AFF3: variants seen among roughly 807,000 people sequenced by gnomAD.
The protein encoded by AFF3 is AF4/FMR2 family member 3.
A neutral mutation model predicts 129.7 loss-of-function variants in AFF3; 32 were observed. The observed-to-expected ratio is 0.25, with a 90% CI of 0.19 to 0.33. The LOEUF (loss-of-function observed/expected upper bound fraction) is 0.33, where lower values mean the gene tolerates loss of function less well. AFF3 is among the 10% of genes least tolerant of loss of function. The pLI is 1.00. For synonymous variants in AFF3, 644 were observed against 635.4 expected, an observed-to-expected ratio of 1.01 and a Z score of -0.20; for missense variants, 1,373 against 1,592.0, an observed-to-expected ratio of 0.86 and a Z score of 2.34.
chr2:99,973,695 T>G (rs1184377776), intron 7 of AFF3, among the ~76,000 whole-genome samples: 1 of 152,118 alleles, frequency 6.6e-6, no homozygotes, highest in African/African-American at 2.4e-5. Context: ...TTCAGTTTTT[T>G]TTTCCTTTTT....
chr2:99,582,149 C>G (rs1427760589), intron 17 of AFF3, among the ~76,000 whole-genome samples: 1 of 152,148 alleles, frequency 6.6e-6, no homozygotes, highest in Non-Finnish European at 1.5e-5. Flanking sequence ...GCCACCACGC[C>G]CGGTCGGGGT....
At chr2:99,943,855 G>T (rs972124952) in intron 7 of AFF3, among the ~76,000 whole-genome samples, 1 of 152,028 alleles carries the variant, frequency 6.6e-6, no homozygotes, top group Admixed American at 6.6e-5. Flanking sequence ...TCTCTCAGAT[G>T]AATATTTCAG....
chr2:99,630,188 A>ATGC (rs1682997380), intron 13 of AFF3, among the ~76,000 whole-genome samples: 1 of 152,174 alleles, frequency 6.6e-6, no homozygotes, highest in Admixed American at 6.5e-5. Flanking sequence ...TTCATCGGAA[A>ATGC]GCTCATGGCC....
intron 7 of AFF3, among the ~76,000 whole-genome samples, chr2:99,839,733 A>T (rs1378691701): frequency 1.3e-5 from 2 of 151,022 alleles, no homozygotes; most frequent in African/African-American, 4.9e-5. Flanking sequence ...GGCCTCAGTC[A>T]CCCGAGTAGC....
chr2:99,867,440 G>A (rs926882034), intron 7 of AFF3, among the ~76,000 whole-genome samples: 1 of 151,906 alleles, frequency 6.6e-6, no homozygotes, highest in Non-Finnish European at 1.5e-5. Context: ...CTTGTATTAC[G>A]GCAGATGAGT....
At chr2:100,111,193 C>T (rs139546956) in intron 2 of AFF3, among the ~76,000 whole-genome samples, 42 of 152,350 alleles carry the variant, frequency 2.8e-4, no homozygotes, top group Middle Eastern at 3.4e-3. Context: ...GCCACTCTAG[C>T]GGTGTTTTGA....
intron 8 of AFF3, among the ~76,000 whole-genome samples, chr2:99,784,649 G>A (rs1004115799): frequency 6.6e-6 from 1 of 152,196 alleles, no homozygotes; most frequent in African/African-American, 2.4e-5. Flanking sequence ...TAGGCTATCG[G>A]CATTTGAGAG....
intron 4 of AFF3, among the ~76,000 whole-genome samples, chr2:100,031,037 T>C (rs1018578936): frequency 1.3e-5 from 2 of 152,170 alleles, no homozygotes; most frequent in Admixed American, 6.5e-5. Context: ...ATTATACATA[T>C]GCATTTTAAA....
At position 99,548,598 on chromosome 2, in the gene AFF3, C is replaced by T. The variant is rs552911397; in HGVS notation, c.*2876G>A. On this transcript the variant is annotated 3_prime_UTR_variant, in exon 25 of 25. Transcript: ENST00000672756. ...ACAAAAAAAATAAAGAAAAAATTAG[C>T]CGGGTGTGGTGGCACGTGCCTATCT... 1.2e-3 allele frequency: 234 copies of T among 201,986 alleles called. No homozygotes were observed. Among genetic ancestry groups the T allele is most frequent in the Non-Finnish European group, 1.8e-3 (177 of 98,414 alleles). The allele number at this position is 201,986 out of a possible 1,614,324, so 12.5% of individuals were successfully genotyped here.
At chr2:100,100,446 AC>A (rs1421358113) in intron 4 of AFF3, among the ~76,000 whole-genome samples, 14 of 151,272 alleles carry the variant, frequency 9.3e-5, no homozygotes, top group African/African-American at 3.4e-4. Context: ...TACTCTCAAT[AC>A]CCCCACCCAC....
At chr2:99,712,585 C>A (rs1677996098) in intron 11 of AFF3, among the ~76,000 whole-genome samples, 1 of 152,134 alleles carries the variant, frequency 6.6e-6, no homozygotes, top group Non-Finnish European at 1.5e-5. Flanking sequence ...GCAATTGTGA[C>A]CTGCATTTAA....
chr2:100,105,658 T>TCC, intron 2 of AFF3, 75 bp from the exon 3 acceptor site: 1 of 1,344,948 alleles, frequency 7.4e-7, no homozygotes, highest in African/African-American at 1.5e-5. Flanking sequence ...AGACAGCTCT[T>TCC]CCCCCTGGCT....
At chr2:99,868,014 TTCC>T (rs1341404003) in intron 7 of AFF3, among the ~76,000 whole-genome samples, 2 of 111,638 alleles carry the variant, frequency 1.8e-5, no homozygotes, top group Non-Finnish European at 3.6e-5. Context: ...CTCTCTTTCT[TTCC>T]TTTTTTTTTT....
At chr2:99,788,566 T>C (rs1404549503) in intron 8 of AFF3, among the ~76,000 whole-genome samples, 1 of 152,232 alleles carries the variant, frequency 6.6e-6, no homozygotes, top group Non-Finnish European at 1.5e-5. Context: ...TAAGTGTTAT[T>C]ACAAAAGAGT....
intron 4 of AFF3, among the ~76,000 whole-genome samples, chr2:100,079,561 T>C (rs909123458): frequency 6.6e-6 from 1 of 152,184 alleles, no homozygotes; most frequent in African/African-American, 2.4e-5. Flanking sequence ...TATACACAGT[T>C]CCTGCTTAGC....
chr2:99,886,502 C>T (rs1693123602), intron 7 of AFF3, among the ~76,000 whole-genome samples: 1 of 151,994 alleles, frequency 6.6e-6, no homozygotes, highest in Non-Finnish European at 1.5e-5. Flanking sequence ...CCATGATGCT[C>T]TCTGCCTGAG....
At chr2:99,910,881 C>A (rs1247336918) in intron 7 of AFF3, among the ~76,000 whole-genome samples, 3 of 152,222 alleles carry the variant, frequency 2.0e-5, no homozygotes, top group African/African-American at 7.2e-5. Flanking sequence ...TTTGGCTGGA[C>A]AAATCACATA....
chr2:99,911,181 A>G (rs12105809), intron 7 of AFF3, among the ~76,000 whole-genome samples: 1,917 of 152,118 alleles, frequency 0.013, 43 homozygotes, highest in African/African-American at 0.044. Context: ...CCTTTTGACA[A>G]TCGATTGACC....
At position 99,925,765 on chromosome 2, in the gene AFF3, A is replaced by G. The variant is rs1053170327; in HGVS notation, c.873+80867T>C. On this transcript the variant is annotated intron_variant, in intron 7 of 24. Coordinates refer to ENST00000672756, the MANE Select transcript of AFF3 (RefSeq NM_001386135.1). ...GTGCAGGGATGCTGCATACAAGAAC[A>G]TGATTAAAGACCCAGTCCCTGACAT... Among the ~76,000 whole-genome samples, 4 of 152,340 alleles carry G rather than the reference A, an allele frequency of 2.6e-5. No homozygotes were observed. In the Middle Eastern group the frequency reaches 0.01, roughly 389 times the overall value.
Sources: allele counts gnomAD v4.1 joint callset (sites outside exome capture counted in the v4.1 genomes callset), GRCh38; gene constraint gnomAD v4.1.1; transcripts MANE v1.5; gene names NCBI Gene and HGNC (gene_info 2026-07-23, HGNC 2026-07-21).